LATS2: variants seen among roughly 807,000 people sequenced by gnomAD.
LATS2 encodes large tumor suppressor kinase 2, also known as serine/threonine-protein kinase LATS2.
Under a neutral mutation model 76.0 loss-of-function variants are expected in LATS2, and 24 were observed. The observed-to-expected ratio is 0.32, with a 90% CI of 0.23 to 0.44. LATS2 has a LOEUF of 0.44. LATS2 is among the 20% of genes least tolerant of loss of function. LATS2 has a pLI of 1.00. For synonymous variants in LATS2, 692 were observed against 635.4 expected, an observed-to-expected ratio of 1.09 and a Z score of -1.34; for missense variants, 1,286 against 1,481.2, an observed-to-expected ratio of 0.87 and a Z score of 2.16.
chr13:21,049,005 G>A (rs1565966035), intron 1 of LATS2, among the ~76,000 whole-genome samples: 1 of 152,118 alleles, frequency 6.6e-6, no homozygotes, highest in East Asian at 1.9e-4. Flanking sequence ...GATGCCTGGA[G>A]AATAAAAAAG....
intron 4 of LATS2, among the ~76,000 whole-genome samples, chr13:20,984,087 T>C (rs116651324): frequency 6.6e-6 from 1 of 152,294 alleles, no homozygotes; most frequent in African/African-American, 2.4e-5. Context: ...CCCGCCACCA[T>C]GACACCTGGC....
intron 2 of LATS2, among the ~76,000 whole-genome samples, chr13:21,020,558 C>CT (rs1280946403): frequency 2.6e-5 from 4 of 152,158 alleles, no homozygotes; most frequent in African/African-American, 9.7e-5. Flanking sequence ...ATTAATTCCT[C>CT]TCGAGTACAG....
At chr13:20,996,360 C>T (rs1044851045) in intron 2 of LATS2, among the ~76,000 whole-genome samples, 1 of 149,896 alleles carries the variant, frequency 6.7e-6, no homozygotes, top group Non-Finnish European at 1.5e-5. Flanking sequence ...TTTCTACCTA[C>T]ATTAGAGTGG....
chr13:21,021,742 G>A (rs1405221247), intron 2 of LATS2, among the ~76,000 whole-genome samples: 1 of 152,184 alleles, frequency 6.6e-6, no homozygotes, highest in Non-Finnish European at 1.5e-5. Context: ...AGAACAGCGA[G>A]GCTAAGAGCA....
At chr13:20,982,290 T>C (rs1013440380) in intron 5 of LATS2, among the ~76,000 whole-genome samples, 3 of 152,208 alleles carry the variant, frequency 2.0e-5, no homozygotes, top group Non-Finnish European at 4.4e-5. Flanking sequence ...AGAGGGCTCC[T>C]TGGGAGGCTG....
chr13:21,043,784 G>A (rs1462076464), intron 2 of LATS2, among the ~76,000 whole-genome samples: 1 of 152,208 alleles, frequency 6.6e-6, no homozygotes, highest in Non-Finnish European at 1.5e-5. Flanking sequence ...GATCCCACCT[G>A]TATTTGGGAT....
intron 7 of LATS2, among the ~76,000 whole-genome samples, chr13:20,979,183 T>C (rs953354618): frequency 1.3e-5 from 2 of 152,204 alleles, no homozygotes; most frequent in African/African-American, 4.8e-5. Context: ...ATACAAAATA[T>C]GTGTTCATTG....
chr13:20,998,977 C>T (rs1870903031), intron 2 of LATS2, among the ~76,000 whole-genome samples: 2 of 151,970 alleles, frequency 1.3e-5, no homozygotes, highest in Non-Finnish European at 2.9e-5. Flanking sequence ...TTTCCACGAC[C>T]TTGTCCACGC....
rs777166025 is a variant in LATS2, at chr13:20,991,422, G to T, written c.343-18C>A. On this transcript the variant is annotated intron_variant, in intron 2 of 7. Transcript: ENST00000382592. This position sits in a 1 kb window ranked among gnomAD's most constrained non-coding sequence, Gnocchi z 4.9. The stretch of plus-strand genomic sequence containing the variant: ...GCCATCTCCTGGGAGGGAAGTAAAG[G>T]AGAGGTAAGTGCATGTCATCCTAAA... 2 of 1,613,928 alleles carry T rather than the reference G, an allele frequency of 1.2e-6. No homozygotes were observed. The highest frequency in any genetic ancestry group is 1.7e-6 in the Non-Finnish European group (2 of 1,179,962).
At chr13:21,044,788 T>C (rs1873006157) in intron 2 of LATS2, among the ~76,000 whole-genome samples, 1 of 151,300 alleles carries the variant, frequency 6.6e-6, no homozygotes, top group Non-Finnish European at 1.5e-5. Context: ...TGGAGTGCAG[T>C]GGCTATCATA....
At chr13:21,040,850 A>G (rs1310598427) in intron 2 of LATS2, among the ~76,000 whole-genome samples, 2 of 152,208 alleles carry the variant, frequency 1.3e-5, no homozygotes, top group African/African-American at 2.4e-5. Context: ...AGCAACCCCT[A>G]TGAGGATGGA....
At chr13:20,997,358 A>G (rs1870801122) in intron 2 of LATS2, among the ~76,000 whole-genome samples, 1 of 152,240 alleles carries the variant, frequency 6.6e-6, no homozygotes. Flanking sequence ...AAGCCTGGAA[A>G]ATGTGAGATT....
At chr13:20,995,084 C>G (rs1376467821) in intron 2 of LATS2, among the ~76,000 whole-genome samples, 1 of 151,942 alleles carries the variant, frequency 6.6e-6, no homozygotes, top group Non-Finnish European at 1.5e-5. Context: ...TGCCCGTTTC[C>G]TCATCTGGGA....
intron 4 of LATS2, among the ~76,000 whole-genome samples, chr13:20,985,335 T>C (rs1870094140): frequency 6.6e-6 from 1 of 152,180 alleles, no homozygotes; most frequent in Non-Finnish European, 1.5e-5. Flanking sequence ...ATACCTGTGT[T>C]GAACAGGAGA....
In LATS2 at chr13:20,974,965, G is replaced by T. The variant is rs1360785836; in HGVS notation, c.3172C>A (p.Pro1058Thr). 6.2e-7 allele frequency: 1 copy of T among 1,614,178 alleles called. No individual in the cohort carries two copies. Among genetic ancestry groups the T allele is most frequent in the Admixed American group, 1.7e-5 (1 of 60,022 alleles). ...GCCTGTGAAGCTTCTGCTCCTGAAG[G>T]CTTTGGGCATCGAAAGGGGTAGCCA... The part of the protein sequence containing the change: ...DNGYPFRCPK[P>T]SGAEASQAES... The change falls in exon 8 of 8, where the codon CCT (proline) becomes ACT (threonine). Residue 1058 changes from proline to threonine, a missense_variant. By Grantham distance (38) the Pro-to-Thr change is conservative (BLOSUM62 -1). Coordinates refer to ENST00000382592, the MANE Select transcript of LATS2 (RefSeq NM_014572.3).
At chr13:20,986,410 T>C (rs12430562) in intron 4 of LATS2, among the ~76,000 whole-genome samples, 11,652 of 152,228 alleles carry the variant, frequency 0.077, 941 homozygotes, top group East Asian at 0.41. Flanking sequence ...AAATGTGGTC[T>C]GTGTACACCA....
chr13:21,009,726 AAC>A (rs1383202185), intron 2 of LATS2, among the ~76,000 whole-genome samples: 4 of 152,218 alleles, frequency 2.6e-5, no homozygotes, highest in Non-Finnish European at 4.4e-5. Context: ...ACCTCCACAT[AAC>A]AGACGACAAT....
chr13:21,009,776 G>T (rs957766888), intron 2 of LATS2, among the ~76,000 whole-genome samples: 1 of 152,234 alleles, frequency 6.6e-6, no homozygotes, highest in African/African-American at 2.4e-5. Flanking sequence ...GGGCAGTGAG[G>T]ATGAGGTATG....
chr13:21,022,842 G>T (rs1872125098), intron 2 of LATS2, among the ~76,000 whole-genome samples: 1 of 152,190 alleles, frequency 6.6e-6, no homozygotes, highest in Non-Finnish European at 1.5e-5. Flanking sequence ...TTCATAAAGG[G>T]ATTTTGCAGA....
Sources: gnomAD v4.1 joint callset for allele counts (sites outside exome capture counted in the v4.1 genomes callset) on GRCh38, gnomAD v4.1.1 for gene constraint, Gnocchi (gnomAD v3.1) non-coding constraint, MANE v1.5 for transcripts, NCBI Gene and HGNC (gene_info 2026-07-23, HGNC 2026-07-21) for gene names.